Variants in MYH4 observed in about 807,000 individuals in gnomAD.
MYH4 encodes myosin heavy chain 4.
MYH4 carries 200 observed loss-of-function variants against 229.9 expected under a neutral mutation model. The ratio of observed to expected loss-of-function variants is 0.87; its 90% CI spans 0.78 to 0.98. MYH4 has a LOEUF of 0.98. Among genes scored for constraint, MYH4 ranks in the 50% least tolerant of loss-of-function variants. MYH4 has a pLI of 0.00. For synonymous variants in MYH4, 761 were observed against 834.6 expected (o/e 0.91, Z 1.52); for missense variants, 2,148 against 2,332.6 (o/e 0.92, Z 1.63).
rs763090716 is a variant in MYH4 at position 10,450,884 on chromosome 17, G to A, written c.3877C>T (p.Arg1293Ter). The change falls in exon 29 of 40, where the codon CGA (arginine) becomes TGA (stop). Residue 1293 changes from arginine to a stop codon, truncating the protein, a stop_gained. Coordinates refer to ENST00000255381, the MANE Select transcript of MYH4 (RefSeq NM_017533.2). LOFTEE classifies it high-confidence loss of function. Reference protein sequence around the residue: ...RLHTESGEFSRQLDEKDAMVS... With the variant: ...RLHTESGEFS ...ATAGCATCTTTTTCATCTAGCTGTC[G>A]TGAAAACTCACCTGTGGAAGACAAA... The A allele has an allele frequency of 2.5e-5, 40 of 1,613,166 alleles. No homozygotes were observed. The highest frequency in any genetic ancestry group is 6.7e-5 in the Admixed American group (4 of 59,976).
rs1355156636 is a variant in MYH4, at chr17:10,447,211, A to T, written c.4971T>A (p.Thr1657=). The stretch of plus-strand genomic sequence containing the variant: ...TGATGGCATCATCCAAATGTAGCTG[A>T]GTGTCCTACACAGAAAGAGAAAAAG... ...LRNTQGILKD[T]QLHLDDAIRG... Residue 1657 remains threonine (T), a synonymous_variant, in exon 35 of 40, where the codon ACT becomes ACA. Transcript: ENST00000255381. 3 of 1,613,928 alleles carry T rather than the reference A, an allele frequency of 1.9e-6. No individual in the cohort carries two copies. The highest frequency in any genetic ancestry group is 2.5e-6 in the Non-Finnish European group (3 of 1,179,938).
chr17:10,465,381 T>C, intron 5 of MYH4, 61 bp downstream of exon 5: 2 of 1,581,694 alleles, frequency 1.3e-6, no homozygotes, highest in Non-Finnish European at 8.7e-7. Flanking sequence ...CCCTATGTTT[T>C]TTCTGATATC....
In MYH4 at chr17:10,455,216, A is replaced by G; in HGVS notation, c.2254T>C (p.Ser752Pro). The change falls in exon 20 of 40, where the codon TCT (serine) becomes CCT (proline). Residue 752 changes from serine (S) to proline (P), a missense_variant. Transcript: ENST00000255381. The part of the protein sequence containing the change: ...SKKASEKLLG[S>P]IEIDHTQYKF... Reference sequence around the variant, plus strand: ...TACTGGGTGTGGTCAATTTCAATAGACCCTAGAAGTTTCTCAGAAGCCTTC... The same window carrying G: ...TACTGGGTGTGGTCAATTTCAATAGGCCCTAGAAGTTTCTCAGAAGCCTTC... 1 of 1,614,138 alleles carries G rather than the reference A, an allele frequency of 6.2e-7. No individual in the cohort carries two copies. The highest frequency in any genetic ancestry group is 8.5e-7 in the Non-Finnish European group (1 of 1,180,010).
At chr17:10,461,293 C>T (rs1453760724) in intron 11 of MYH4, among the ~76,000 whole-genome samples, 1 of 152,160 alleles carries the variant, frequency 6.6e-6, no homozygotes, top group Non-Finnish European at 1.5e-5. Flanking sequence ...TATGATGTGA[C>T]TTGTCCACAC....
chr17:10,462,818 C>T (rs2142229400), intron 11 of MYH4, 47 bp downstream of exon 11: 6 of 1,468,200 alleles, frequency 4.1e-6, no homozygotes, highest in Non-Finnish European at 4.7e-6. Context: ...GAGTGTTGTA[C>T]ACTGGAAAAT....
chr17:10,452,073 A>G lies in MYH4; in HGVS notation c.3606T>C (p.Asp1202=), dbSNP rs1191289976. 2 of 1,613,922 alleles carry G rather than the reference A, an allele frequency of 1.2e-6. No homozygotes were observed. Among genetic ancestry groups the G allele is most frequent in the Admixed American group, 3.3e-5 (2 of 60,010 alleles). The change falls in exon 27 of 40, where the codon GAT becomes GAC. Residue 1202 remains aspartate (D), a synonymous_variant. Transcript: ENST00000255381. The part of the protein sequence containing the change: ...TAAALRKKHA[D]SVAELGEQID... ...TCTGCTCCCCAAGCTCAGCCACACT[A>G]TCTGCGTGCTTCTTCCGAAGAGCAG...
chr17:10,450,353 T>C (rs1310894657), intron 30 of MYH4, 100 bp downstream of exon 30: 1 of 1,582,078 alleles, frequency 6.3e-7, no homozygotes, highest in African/African-American at 1.3e-5. Context: ...AGCTGAAGTC[T>C]TTCATGTGTC....
chr17:10,456,418 A>G, intron 17 of MYH4, 67 bp downstream of exon 17: 1 of 1,332,316 alleles, frequency 7.5e-7, no homozygotes, highest in Admixed American at 2.1e-5. Context: ...CTTTTAAAAA[A>G]TTTTCTGTTT....
intron 11 of MYH4, among the ~76,000 whole-genome samples, chr17:10,462,169 C>T (rs1024461769): frequency 6.6e-6 from 1 of 151,756 alleles, no homozygotes; most frequent in Non-Finnish European, 1.5e-5. Context: ...TGGGATAGTC[C>T]CACTGATATT....
intron 2 of MYH4, 125 bp downstream of exon 2, chr17:10,469,163 T>A (rs1337478911): frequency 6.6e-6 from 1 of 152,200 alleles, no homozygotes; most frequent in East Asian, 1.9e-4. Flanking sequence ...AAGGCATTTT[T>A]AAAGAACAGC....
intron 28 of MYH4, 143 bp downstream of exon 28, chr17:10,451,183 C>T (rs1053101210): frequency 8.8e-7 from 1 of 1,140,796 alleles, no homozygotes; most frequent in Non-Finnish European, 1.2e-6. Flanking sequence ...ATTTTACTGT[C>T]TCATAATAAA....
At position 10,447,189 on chromosome 17, in the gene MYH4, TG is replaced by T; in HGVS notation, c.4992del (p.Ile1665SerfsTer20). On this transcript the variant is annotated frameshift_variant, in exon 35 of 40. Coordinates refer to ENST00000255381, the MANE Select transcript of MYH4 (RefSeq NM_017533.2). LOFTEE classifies it high-confidence loss of function. Reference protein sequence around the residue: ...LKDTQLHLDDAIRGQDDLKEQ... With the variant: ...LKDTQLHLDDXIRGQDDLKEQ... Reference sequence around the variant, plus strand: ...TCCTTAAGGTCATCTTGGCCTCTGATGGCATCATCCAAATGTAGCTGAGTGT... The same window carrying T: ...TCCTTAAGGTCATCTTGGCCTCTGATGCATCATCCAAATGTAGCTGAGTGT... 6.2e-7 allele frequency: 1 copy of T among 1,614,136 alleles called. No homozygotes were observed. Among genetic ancestry groups the T allele is most frequent in the South Asian group, 1.1e-5 (1 of 91,090 alleles).
rs1025261990 is a variant in MYH4, at chr17:10,455,216, A to C, written c.2254T>G (p.Ser752Ala). Residue 752 changes from serine to alanine, a missense_variant, in exon 20 of 40, where the codon TCT (serine) becomes GCT (alanine). Ser to Ala is a moderately conservative substitution (Grantham distance 99). Transcript: ENST00000255381. ...SKKASEKLLGSIEIDHTQYKF... is the reference protein window; with the variant it reads ...SKKASEKLLGAIEIDHTQYKF... ...TACTGGGTGTGGTCAATTTCAATAG[A>C]CCCTAGAAGTTTCTCAGAAGCCTTC... The C allele has an allele frequency of 1.9e-6, 3 of 1,614,138 alleles. No individual in the cohort carries two copies. The highest frequency in any genetic ancestry group is 2.5e-6 in the Non-Finnish European group (3 of 1,180,010).
In MYH4 at chr17:10,464,503, T is replaced by C. The variant is rs1278487851; in HGVS notation, c.617A>G (p.Lys206Arg). Residue 206 changes from lysine (K) to arginine (R), a missense_variant, in exon 7 of 40, where the codon AAA (lysine) becomes AGA (arginine). Physicochemically the swap from Lys to Arg is conservative, Grantham distance 26. Transcript: ENST00000255381. ...TTTGCCAGAGGCAGGTTCCTCTTTT[T>C]TCTTCTCTCCAGTAACTGCAATTGT... ...FATIAVTGEK[K>R]KEEPASGKMQ... 7.4e-6 allele frequency: 12 copies of C among 1,614,022 alleles called. No individual in the cohort carries two copies. The highest frequency in any genetic ancestry group is 1.0e-5 in the Non-Finnish European group (12 of 1,179,968).
rs2072573749 is a variant in MYH4, at chr17:10,451,553, T to C, written c.3739-101A>G. 9 of 1,301,492 alleles carry C rather than the reference T, an allele frequency of 6.9e-6. No individual in the cohort carries two copies. The East Asian group carries it at 7.2e-5, about 10-fold the overall frequency. The allele number at this position is 1,301,492 out of a possible 1,614,324, so 80.6% of individuals were successfully genotyped here. On this transcript the variant is annotated intron_variant, in intron 27 of 39. Coordinates refer to ENST00000255381, the MANE Select transcript of MYH4 (RefSeq NM_017533.2). ...ACCTGTGGAAAGGGGCTGATTTTTA[T>C]TTACTTTTCTATCAATCTTGCATGG...
intron 39 of MYH4, 44 bp downstream of exon 39, chr17:10,444,560 G>A (rs1189009552): frequency 6.6e-7 from 1 of 1,507,176 alleles, no homozygotes; most frequent in South Asian, 1.2e-5. Flanking sequence ...CAAAAAACCT[G>A]GATGTGCATC....
chr17:10,448,459 C>A lies in MYH4; in HGVS notation c.4593G>T (p.Glu1531Asp). The A allele has an allele frequency of 6.2e-7, 1 of 1,613,978 alleles. No homozygotes were observed. The highest frequency in any genetic ancestry group is 8.5e-7 in the Non-Finnish European group (1 of 1,179,918). Residue 1531 changes from glutamate to aspartate, a missense_variant, in exon 33 of 40, where the codon GAG (glutamate) becomes GAT (aspartate). Physicochemically the swap from Glu to Asp is conservative, Grantham distance 45. Coordinates refer to ENST00000255381, the MANE Select transcript of MYH4 (RefSeq NM_017533.2). ...CATGATCAAGTTGTTTCTTTACTTT[C>A]TCCAGTTCATGGATATGCTTTCCAC... is the stretch of plus-strand genomic sequence containing the variant. The part of the protein sequence containing the change: ...AEGGKHIHEL[E>D]KVKKQLDHEK...
Position 10,454,000 on chromosome 17 carries a change from T to C in MYH4, c.2692-115A>G, listed in dbSNP as rs142721532. The C allele has an allele frequency of 5.1e-5, 69 of 1,357,112 alleles. No homozygotes were observed. The East Asian group carries it at 1.4e-3, about 28-fold the overall frequency. The allele number at this position is 1,357,112 out of a possible 1,614,324, so 84.1% of individuals were successfully genotyped here. ...CCTGTTTGGTCAACATGTATACCAG[T>C]TGCTAACTTTTAAAATGAAACAGAC... On this transcript the variant is annotated intron_variant, in intron 22 of 39. Transcript: ENST00000255381.
chr17:10,445,034 T>C lies in MYH4; in HGVS notation c.5408A>G (p.Glu1803Gly), dbSNP rs751627870. 7 of 1,614,028 alleles carry C rather than the reference T, an allele frequency of 4.3e-6. No homozygotes were observed. The highest frequency in any genetic ancestry group is 5.9e-6 in the Non-Finnish European group (7 of 1,180,026). Reference protein sequence around the residue: ...TVKDLQLRLDEAEQLALKGGK... With the variant: ...TVKDLQLRLDGAEQLALKGGK... Reference sequence around the variant, plus strand: ...ACCCTTCAGCGCCAGCTGCTCAGCCTCATCCAGACGGAGCTGCAGATCCTT... The same window carrying C: ...ACCCTTCAGCGCCAGCTGCTCAGCCCCATCCAGACGGAGCTGCAGATCCTT... Residue 1803 changes from glutamate (E) to glycine (G), a missense_variant, in exon 37 of 40, where the codon GAG becomes GGG. Physicochemically the swap from Glu to Gly is moderately conservative, Grantham distance 98. Coordinates refer to ENST00000255381, the MANE Select transcript of MYH4 (RefSeq NM_017533.2).
Sources: allele counts gnomAD v4.1 joint callset (sites outside exome capture counted in the v4.1 genomes callset), GRCh38; gene constraint gnomAD v4.1.1; transcripts MANE v1.5; gene names NCBI Gene and HGNC (gene_info 2026-07-23, HGNC 2026-07-21).